The following LRP1B variants were observed in gnomAD, a reference collection of about 807,000 sequenced individuals.
LRP1B encodes the protein low-density lipoprotein receptor-related protein 1B.
LRP1B carries 217 observed loss-of-function variants against 556.6 expected under a neutral mutation model. That is an observed-to-expected ratio of 0.39 (90% CI 0.35 to 0.44). The LOEUF (loss-of-function observed/expected upper bound fraction) is 0.44. Among genes scored for constraint, LRP1B ranks in the 20% least tolerant of loss-of-function variants. The pLI, the probability that LRP1B is intolerant of heterozygous loss-of-function variation, is 1.00. For synonymous variants in LRP1B, 2,047 were observed against 1,865.8 expected (o/e 1.10, Z -2.50); for missense variants, 5,053 against 5,620.8 (o/e 0.90, Z 3.23).
At chr2:140,412,622 A>G (rs1685011616) in intron 66 of LRP1B, among the ~76,000 whole-genome samples, 1 of 152,074 alleles carries the variant, frequency 6.6e-6, no homozygotes, top group African/African-American at 2.4e-5. Context: ...TCTAATGTAA[A>G]TCATTTTGAG....
At chr2:141,986,436 T>C (rs144002539) in intron 1 of LRP1B, among the ~76,000 whole-genome samples, 14 of 152,078 alleles carry the variant, frequency 9.2e-5, no homozygotes, top group Non-Finnish European at 1.9e-4. Flanking sequence ...CAAGAGTTTC[T>C]GAGTATCAGA....
At chr2:140,421,169 C>T (rs756600323) in intron 66 of LRP1B, among the ~76,000 whole-genome samples, 7 of 152,128 alleles carry the variant, frequency 4.6e-5, no homozygotes, top group South Asian at 2.1e-4. Context: ...GCAGGAGAGT[C>T]GCTTGAACCC....
chr2:141,524,723 T>G (rs1368858274), intron 2 of LRP1B, among the ~76,000 whole-genome samples: 2 of 151,610 alleles, frequency 1.3e-5, no homozygotes, highest in African/African-American at 2.4e-5. Context: ...AATTTCACTA[T>G]GCAGAGACTT....
intron 2 of LRP1B, among the ~76,000 whole-genome samples, chr2:141,684,992 C>T (rs1691243943): frequency 2.0e-5 from 3 of 152,112 alleles, no homozygotes; most frequent in South Asian, 2.1e-4. Context: ...GTGAGGTAGG[C>T]GAGAGCCACG....
At chr2:140,621,457 C>G (rs1260043393) in intron 41 of LRP1B, among the ~76,000 whole-genome samples, 3 of 147,202 alleles carry the variant, frequency 2.0e-5, no homozygotes, top group African/African-American at 7.4e-5. Context: ...GAAGCACAGA[C>G]AGAGATATAA....
chr2:140,956,788 T>C (rs1168541189), intron 18 of LRP1B, among the ~76,000 whole-genome samples: 3 of 151,760 alleles, frequency 2.0e-5, no homozygotes, highest in Non-Finnish European at 4.4e-5. Context: ...TAAATGTGGG[T>C]TCAAATCCTG....
At chr2:141,287,805 C>A (rs1033256340) in intron 3 of LRP1B, among the ~76,000 whole-genome samples, 14 of 152,132 alleles carry the variant, frequency 9.2e-5, no homozygotes, top group Non-Finnish European at 1.5e-4. Flanking sequence ...AATTATGCAA[C>A]TGTCGCATGT....
chr2:141,115,050 C>A (rs772509843), intron 7 of LRP1B, among the ~76,000 whole-genome samples: 1 of 151,580 alleles, frequency 6.6e-6, no homozygotes, highest in Non-Finnish European at 1.5e-5. Flanking sequence ...AGCAAAAATA[C>A]AATGTAGGAG....
chr2:141,712,334 C>T (rs983157084), intron 2 of LRP1B, among the ~76,000 whole-genome samples: 3 of 151,604 alleles, frequency 2.0e-5, no homozygotes, highest in South Asian at 4.2e-4. Flanking sequence ...ACCAGTATCA[C>T]GTCAACTGTA....
At chr2:141,257,092 A>G (rs1684493529) in intron 3 of LRP1B, among the ~76,000 whole-genome samples, 1 of 152,104 alleles carries the variant, frequency 6.6e-6, no homozygotes, top group Non-Finnish European at 1.5e-5. Context: ...CAGGGAAATC[A>G]ATGTTAAATT....
At position 140,373,220 on chromosome 2, in the gene LRP1B, C is replaced by T. The variant is rs1489430508; in HGVS notation, c.10639-83G>A. The T allele has an allele frequency of 2.5e-6, 3 of 1,202,620 alleles. No individual in the cohort carries two copies. In the South Asian group the frequency reaches 4.1e-5, roughly 16 times the overall value. The allele number at this position is 1,202,620 out of a possible 1,614,324, so 74.5% of individuals were successfully genotyped here. A position where few individuals can be genotyped will look rare whatever the true frequency, so the allele number is the denominator to read the frequency against. On this transcript the variant is annotated intron_variant, in intron 68 of 90. Coordinates refer to ENST00000389484, the MANE Select transcript of LRP1B (RefSeq NM_018557.3). The stretch of plus-strand genomic sequence containing the variant: ...CTCAAAAGACAAGAAAACTTATGTA[C>T]AGAAAACCTGGAACTGATCCTGGAA...
intron 43 of LRP1B, among the ~76,000 whole-genome samples, chr2:140,574,210 C>T (rs1681434060): frequency 2.6e-5 from 4 of 152,134 alleles, no homozygotes; most frequent in Admixed American, 2.6e-4. Flanking sequence ...TTGTCCACAT[C>T]ATTTATTTTA....
intron 31 of LRP1B, among the ~76,000 whole-genome samples, chr2:140,821,213 G>A (rs1442419607): frequency 6.6e-6 from 1 of 152,026 alleles, no homozygotes; most frequent in Non-Finnish European, 1.5e-5. Flanking sequence ...CTAGTACCTA[G>A]TGTACACTTC....
intron 1 of LRP1B, among the ~76,000 whole-genome samples, chr2:141,939,196 T>C (rs1700722816): frequency 6.6e-6 from 1 of 152,060 alleles, no homozygotes; most frequent in Non-Finnish European, 1.5e-5. Context: ...TTGACTATAG[T>C]AATAATTTCA....
intron 1 of LRP1B, among the ~76,000 whole-genome samples, chr2:142,019,479 T>C (rs753982037): frequency 4.9e-4 from 75 of 152,154 alleles, no homozygotes; most frequent in Non-Finnish European, 9.3e-4. Flanking sequence ...TTCAATGCTA[T>C]TACTCACTCC....
intron 3 of LRP1B, among the ~76,000 whole-genome samples, chr2:141,455,649 C>T (rs1018031266): frequency 6.6e-6 from 1 of 151,982 alleles, no homozygotes; most frequent in East Asian, 1.9e-4. Flanking sequence ...CATTGCGTAT[C>T]CTTAGCAACT....
chr2:141,246,638 A>G (rs929114673), intron 5 of LRP1B, among the ~76,000 whole-genome samples: 1 of 152,174 alleles, frequency 6.6e-6, no homozygotes, highest in Non-Finnish European at 1.5e-5. Context: ...CAATTAATCC[A>G]TATCTTTTGA....
At chr2:140,238,047 T>A in intron 89 of LRP1B, 105 bp downstream of exon 89, 1 of 1,014,554 alleles carries the variant, frequency 9.9e-7, no homozygotes, top group Middle Eastern at 2.2e-4. Flanking sequence ...AGTCCCTTAT[T>A]CTAACTTCAG....
intron 41 of LRP1B, among the ~76,000 whole-genome samples, chr2:140,680,672 T>C (rs1685830600): frequency 6.6e-6 from 1 of 152,138 alleles, no homozygotes; most frequent in Non-Finnish European, 1.5e-5. Context: ...TGGATTCAAA[T>C]CTAAGTCTCA....
Sources: allele counts gnomAD v4.1 joint callset (sites outside exome capture counted in the v4.1 genomes callset), GRCh38; gene constraint gnomAD v4.1.1; transcripts MANE v1.5; gene names NCBI Gene and HGNC (gene_info 2026-07-23, HGNC 2026-07-21).